CDH12: variants seen among roughly 807,000 people sequenced by gnomAD.
The protein encoded by CDH12 is cadherin-12.
In CDH12, 41 loss-of-function variants were observed where a neutral mutation model predicts 74.1. The ratio of observed to expected loss-of-function variants is 0.55; its 90% CI spans 0.43 to 0.72. The LOEUF (loss-of-function observed/expected upper bound fraction) is 0.72. Among genes scored for constraint, CDH12 ranks in the 30% least tolerant of loss-of-function variants. CDH12 has a pLI of 0.00. For synonymous variants in CDH12, 399 were observed against 355.0 expected (o/e 1.12, Z -1.39); for missense variants, 945 against 977.2 (o/e 0.97, Z 0.44).
chr5:22,472,148 T>C (rs985169871), intron 2 of CDH12, among the ~76,000 whole-genome samples: 1 of 152,068 alleles, frequency 6.6e-6, no homozygotes, highest in Admixed American at 6.6e-5. Flanking sequence ...TCAGATACTA[T>C]GGGTGGGAGT....
intron 1 of CDH12, among the ~76,000 whole-genome samples, chr5:22,522,394 A>G (rs1737091312): frequency 1.3e-5 from 2 of 152,198 alleles, no homozygotes; most frequent in African/African-American, 4.8e-5. Flanking sequence ...AGACTACTCA[A>G]CTGTGTACAT....
intron 9 of CDH12, among the ~76,000 whole-genome samples, chr5:21,805,318 C>G (rs1266560277): frequency 2.0e-5 from 3 of 152,070 alleles, no homozygotes; most frequent in Non-Finnish European, 4.4e-5. Context: ...AATCTTGACT[C>G]TCTACAGGTA....
intron 1 of CDH12, among the ~76,000 whole-genome samples, chr5:22,802,400 G>A (rs1748581217): frequency 6.6e-6 from 1 of 152,076 alleles, no homozygotes; most frequent in Non-Finnish European, 1.5e-5. Flanking sequence ...GATTACAGGC[G>A]TGAGCTACCG....
At chr5:22,102,089 A>G (rs1308821609) in intron 4 of CDH12, among the ~76,000 whole-genome samples, 1 of 152,190 alleles carries the variant, frequency 6.6e-6, no homozygotes, top group Non-Finnish European at 1.5e-5. Flanking sequence ...AAGTGAAAAT[A>G]TATATTTATA....
intron 4 of CDH12, among the ~76,000 whole-genome samples, chr5:22,122,743 A>C (rs1745600874): frequency 6.6e-6 from 1 of 152,246 alleles, no homozygotes; most frequent in South Asian, 2.1e-4. Context: ...GCCATCGTTT[A>C]ATCAGCTGAA....
intron 6 of CDH12, among the ~76,000 whole-genome samples, chr5:21,934,667 A>G (rs1754992372): frequency 6.6e-6 from 1 of 152,198 alleles, no homozygotes; most frequent in African/African-American, 2.4e-5. Context: ...GAGTTTATGT[A>G]TACCATAAGG....
intron 6 of CDH12, among the ~76,000 whole-genome samples, chr5:21,974,097 C>T (rs1412517875): frequency 6.6e-6 from 1 of 152,178 alleles, no homozygotes; most frequent in East Asian, 1.9e-4. Context: ...CAGCTACTAA[C>T]CTGCTTCTGC....
intron 4 of CDH12, among the ~76,000 whole-genome samples, chr5:22,186,021 C>T (rs930735060): frequency 4.6e-5 from 7 of 152,186 alleles, no homozygotes; most frequent in Admixed American, 2.6e-4. Context: ...TCATTTGGTT[C>T]TAAGTACACC....
At chr5:22,541,351 A>G (rs1415314522) in intron 1 of CDH12, among the ~76,000 whole-genome samples, 1 of 152,206 alleles carries the variant, frequency 6.6e-6, no homozygotes, top group Non-Finnish European at 1.5e-5. Flanking sequence ...GAAGTGCTCA[A>G]TGTTCATCAA....
chr5:22,110,722 T>C (rs1488836840), intron 4 of CDH12, among the ~76,000 whole-genome samples: 1 of 152,178 alleles, frequency 6.6e-6, no homozygotes, highest in Non-Finnish European at 1.5e-5. Flanking sequence ...TTGCAAATCT[T>C]GTGACCTTGG....
chr5:22,117,501 A>T (rs796390171), intron 4 of CDH12, among the ~76,000 whole-genome samples: 846 of 70,728 alleles, frequency 0.012, 16 homozygotes, highest in African/African-American at 0.016. Flanking sequence ...ATATATATAT[A>T]ATATATATAT....
At chr5:21,987,128 T>C (rs984824422) in intron 5 of CDH12, among the ~76,000 whole-genome samples, 1 of 152,154 alleles carries the variant, frequency 6.6e-6, no homozygotes, top group African/African-American at 2.4e-5. Flanking sequence ...CTATTTATGT[T>C]TTATTTTCTC....
intron 3 of CDH12, among the ~76,000 whole-genome samples, chr5:22,218,000 TTAAC>T (rs1751881271): frequency 1.3e-5 from 2 of 151,554 alleles, no homozygotes; most frequent in South Asian, 4.1e-4. Flanking sequence ...TCATAACTAT[TTAAC>T]TATATATTTA....
At chr5:22,045,725 G>A (rs142742303) in intron 5 of CDH12, among the ~76,000 whole-genome samples, 38 of 152,090 alleles carry the variant, frequency 2.5e-4, no homozygotes, top group Non-Finnish European at 4.1e-4. Flanking sequence ...TCACTCATAT[G>A]TGGAATCTAA....
chr5:21,934,488 G>C lies in CDH12; in HGVS notation c.526+40603C>G, dbSNP rs116455692. ...AGAAAGGTAAAGTAAGTATTGATAT[G>C]GAAAACTCTCCAATATACAATATCA... is the stretch of plus-strand genomic sequence containing the variant. On this transcript the variant is annotated intron_variant, in intron 6 of 14. Coordinates refer to ENST00000382254, the MANE Select transcript of CDH12 (RefSeq NM_004061.5). Among the ~76,000 whole-genome samples, 1,167 of 152,106 alleles carry C rather than the reference G, an allele frequency of 7.7e-3. 18 individuals carry two copies. The highest frequency in any genetic ancestry group is 0.027 in the African/African-American group (1,119 of 41,486).
At chr5:22,417,383 C>A (rs1036902725) in intron 2 of CDH12, among the ~76,000 whole-genome samples, 1 of 152,160 alleles carries the variant, frequency 6.6e-6, no homozygotes, top group East Asian at 1.9e-4. Context: ...TGGATAAGTT[C>A]AGGAGTGAGT....
chr5:22,752,561 TTTTTTTTTTTTTC>T (rs762559218), intron 1 of CDH12, among the ~76,000 whole-genome samples: 2,514 of 23,052 alleles, frequency 0.11, 647 homozygotes, highest in Non-Finnish European at 0.14. Flanking sequence ...TTTTTTTTTT[TTTTTTTTTTTTTC>T]TTTTTTTTTT....
At chr5:22,150,795 GA>G (rs1048536482) in intron 4 of CDH12, among the ~76,000 whole-genome samples, 1 of 152,044 alleles carries the variant, frequency 6.6e-6, no homozygotes, top group African/African-American at 2.4e-5. Flanking sequence ...ACCTTTGTTA[GA>G]AAAAAAGATA....
At chr5:21,886,193 T>C (rs1159080930) in intron 6 of CDH12, among the ~76,000 whole-genome samples, 1 of 152,118 alleles carries the variant, frequency 6.6e-6, no homozygotes, top group African/African-American at 2.4e-5. Context: ...TTACTTCTTT[T>C]GTTCTGATTT....
Sources: gnomAD v4.1 joint callset for allele counts (sites outside exome capture counted in the v4.1 genomes callset) on GRCh38, gnomAD v4.1.1 for gene constraint, MANE v1.5 for transcripts, NCBI Gene and HGNC (gene_info 2026-07-23, HGNC 2026-07-21) for gene names.